The following GAS7 variants were observed in gnomAD, a reference collection of about 807,000 sequenced individuals.
GAS7 encodes growth arrest-specific protein 7.
Under a neutral mutation model 71.1 loss-of-function variants are expected in GAS7, and 28 were observed. That is an observed-to-expected ratio of 0.39 (90% CI 0.29 to 0.54). The LOEUF (loss-of-function observed/expected upper bound fraction) is 0.54, where lower values mean the gene tolerates loss of function less well. GAS7 is among the 20% of genes least tolerant of loss of function. The probability of loss-of-function intolerance (pLI) is 0.62; values close to 1 mark genes in which losing one functional copy is unlikely to be tolerated. For missense variants in GAS7, 436 were observed against 627.8 expected, an observed-to-expected ratio of 0.69 and a Z score of 3.27; for synonymous variants, 258 against 245.8, an observed-to-expected ratio of 1.05 and a Z score of -0.46.
chr17:10,017,390 G>A (rs1200683677), intron 2 of GAS7, among the ~76,000 whole-genome samples: 6 of 151,272 alleles, frequency 4.0e-5, no homozygotes, highest in South Asian at 2.1e-4. Flanking sequence ...GTGCAATGGC[G>A]TGATCTCGGC....
chr17:9,971,888 T>C (rs3786094), intron 3 of GAS7, among the ~76,000 whole-genome samples: 67,076 of 151,910 alleles, frequency 0.44, 15,133 homozygotes, highest in South Asian at 0.5. Context: ...CGTTGGGCAA[T>C]GGGATGATGA....
At chr17:9,993,308 G>A (rs2070916882) in intron 2 of GAS7, among the ~76,000 whole-genome samples, 1 of 152,158 alleles carries the variant, frequency 6.6e-6, no homozygotes, top group Non-Finnish European at 1.5e-5. Flanking sequence ...TAACTGGTGT[G>A]AGATGGTATC....
rs529666170 is a variant in GAS7 at position 10,005,054 on chromosome 17, CAT to C, written c.304+14721_304+14722del. On this transcript the variant is annotated intron_variant, in intron 2 of 13. Coordinates refer to ENST00000432992, the MANE Select transcript of GAS7 (RefSeq NM_201433.2). ...CTATATATACATACATATATATACACATATATGTGTGTATGCACGCATACATG... is the reference window on the plus strand; with the variant it reads ...CTATATATACATACATATATATACACATATGTGTGTATGCACGCATACATG... 2.4e-3 allele frequency among the ~76,000 whole-genome samples: 313 copies of C among 132,960 alleles called. 3 individuals carry two copies. The highest frequency in any genetic ancestry group is 4.0e-3 in the African/African-American group (119 of 29,594). The allele number at this position is 132,960 out of a possible 152,430, so 87.2% of individuals were successfully genotyped here.
intron 2 of GAS7, among the ~76,000 whole-genome samples, chr17:9,982,859 A>G: frequency 6.6e-6 from 1 of 150,816 alleles, no homozygotes; most frequent in Non-Finnish European, 1.5e-5. Flanking sequence ...GAAAGAAAGA[A>G]AGAAAGAAAG....
intron 1 of GAS7, among the ~76,000 whole-genome samples, chr17:10,023,361 A>G (rs1195157048): frequency 6.6e-6 from 1 of 152,224 alleles, no homozygotes; most frequent in East Asian, 1.9e-4. Flanking sequence ...ACACCTAGAA[A>G]CAAGCAGTCA....
At chr17:9,935,479 T>C (rs922271845) in intron 8 of GAS7, among the ~76,000 whole-genome samples, 1 of 152,236 alleles carries the variant, frequency 6.6e-6, no homozygotes, top group African/African-American at 2.4e-5. Flanking sequence ...CCAGGCTGAA[T>C]GTTCTGTTGA....
chr17:10,162,525 C>G (rs920474320), intron 1 of GAS7, among the ~76,000 whole-genome samples: 1 of 152,062 alleles, frequency 6.6e-6, no homozygotes, highest in South Asian at 2.1e-4. Context: ...AAGGGATTGC[C>G]GAAGTCCCAG....
At position 10,104,706 on chromosome 17, in the gene GAS7, A is replaced by AG. The variant is rs144338681; in HGVS notation, c.184-84810dup. 5.5e-3 allele frequency among the ~76,000 whole-genome samples: 835 copies of AG among 152,296 alleles called. 6 individuals carry two copies. Among genetic ancestry groups the AG allele is most frequent in the African/African-American group, 0.019 (804 of 41,546 alleles). On this transcript the variant is annotated intron_variant, in intron 1 of 13. Coordinates refer to ENST00000432992, the MANE Select transcript of GAS7 (RefSeq NM_201433.2). Reference sequence around the variant, plus strand: ...TCCTGTTGCTTACACCCCAAAATCTAGGATTCTCAAGTCCACACACCTTCC... The same window carrying AG: ...TCCTGTTGCTTACACCCCAAAATCTAGGGATTCTCAAGTCCACACACCTTCC...
At chr17:9,985,264 G>A (rs1051349362) in intron 2 of GAS7, among the ~76,000 whole-genome samples, 7 of 152,146 alleles carry the variant, frequency 4.6e-5, no homozygotes, top group African/African-American at 9.7e-5. Context: ...ACTTCACAGC[G>A]AAAATCCCTG....
At chr17:10,171,441 C>T (rs919528600) in intron 1 of GAS7, among the ~76,000 whole-genome samples, 5 of 152,200 alleles carry the variant, frequency 3.3e-5, no homozygotes, top group African/African-American at 9.6e-5. Flanking sequence ...AGCAGGAAAT[C>T]GGCTTCCCTT....
At chr17:10,167,539 C>G (rs1304585209) in intron 1 of GAS7, among the ~76,000 whole-genome samples, 1 of 152,210 alleles carries the variant, frequency 6.6e-6, no homozygotes, top group Non-Finnish European at 1.5e-5. Flanking sequence ...ATATCCCCTT[C>G]GTAAGATTTC....
intron 1 of GAS7, among the ~76,000 whole-genome samples, chr17:10,110,053 CAA>C (rs956917519): frequency 1.8e-4 from 13 of 73,502 alleles, no homozygotes; most frequent in African/African-American, 1.1e-4. Context: ...GGCTCCGTCT[CAA>C]AAAAAAAAAA....
chr17:9,917,627 C>T (rs2067627735), intron 13 of GAS7, among the ~76,000 whole-genome samples: 1 of 152,252 alleles, frequency 6.6e-6, no homozygotes, highest in Admixed American at 6.5e-5. Flanking sequence ...CCACATTTAC[C>T]ACCAGTGAAC....
At chr17:10,083,124 T>C (rs1230540972) in intron 1 of GAS7, among the ~76,000 whole-genome samples, 1 of 152,232 alleles carries the variant, frequency 6.6e-6, no homozygotes, top group African/African-American at 2.4e-5. Context: ...ATGTAATAAA[T>C]TTCATGAGAA....
intron 1 of GAS7, among the ~76,000 whole-genome samples, chr17:10,106,912 G>T (rs2073762314): frequency 6.6e-6 from 1 of 152,132 alleles, no homozygotes; most frequent in African/African-American, 2.4e-5. Context: ...GGATTATCTG[G>T]GTAGGTTCTA....
rs183084089 is a variant in GAS7, at chr17:10,178,785, C to T, written c.183+19423G>A. On this transcript the variant is annotated intron_variant, in intron 1 of 13. Transcript: ENST00000432992. ...TTTCAAAGCAAGAAGTCATCAGAAA[C>T]AGGAAGATCTCTGCCCTCTTCCCTG... is the stretch of plus-strand genomic sequence containing the variant. Among the ~76,000 whole-genome samples, 6 of 118,480 alleles carry T rather than the reference C, an allele frequency of 5.1e-5. No homozygotes were observed. In the East Asian group the frequency reaches 1.4e-3, roughly 28 times the overall value. 77.7% of individuals were successfully genotyped at this position (118,480 alleles called of 152,430 possible). A position where few individuals can be genotyped will look rare whatever the true frequency, so the allele number is the denominator to read the frequency against.
At chr17:10,049,224 A>G (rs1489985780) in intron 1 of GAS7, among the ~76,000 whole-genome samples, 1 of 152,144 alleles carries the variant, frequency 6.6e-6, no homozygotes, top group East Asian at 1.9e-4. Flanking sequence ...TCGCCGTGGA[A>G]CTTCAGTCTT....
rs140961962 is a variant in GAS7, at chr17:9,919,946, G to T, written c.1139-241C>A. Among the ~76,000 whole-genome samples, 1 of 150,854 alleles carries T rather than the reference G, an allele frequency of 6.6e-6. No individual in the cohort carries two copies. Among genetic ancestry groups the T allele is most frequent in the Non-Finnish European group, 1.5e-5 (1 of 67,828 alleles). On this transcript the variant is annotated intron_variant, in intron 11 of 13. Transcript: ENST00000432992. This position sits in a 1 kb window ranked among gnomAD's most constrained non-coding sequence, Gnocchi z 5.0. ...CTGAAGCCTGACCCCAGATACCAAG[G>T]ATTCAGGATGGTGGTTCTCATTTTG... is the stretch of plus-strand genomic sequence containing the variant.
chr17:9,924,821 T>C (rs1299016276), intron 11 of GAS7: 3 of 152,180 alleles, frequency 2.0e-5, no homozygotes, highest in Non-Finnish European at 4.4e-5. Flanking sequence ...TCTCGTGCAG[T>C]GAAACGTGGC....
Sources: gnomAD v4.1 joint callset for allele counts (sites outside exome capture counted in the v4.1 genomes callset) on GRCh38, gnomAD v4.1.1 for gene constraint, Gnocchi (gnomAD v3.1) non-coding constraint, MANE v1.5 for transcripts, NCBI Gene and HGNC (gene_info 2026-07-23, HGNC 2026-07-21) for gene names.